RNF19A: variants seen among roughly 807,000 people sequenced by gnomAD.
RNF19A encodes E3 ubiquitin-protein ligase RNF19A.
RNF19A carries 32 observed loss-of-function variants against 75.7 expected under a neutral mutation model. The observed-to-expected ratio is 0.42, with a 90% CI of 0.32 to 0.57. RNF19A has a LOEUF of 0.57. Among genes scored for constraint, RNF19A ranks in the 20% least tolerant of loss-of-function variants. RNF19A has a pLI of 0.10. For synonymous variants in RNF19A, 335 were observed against 345.2 expected (o/e 0.97, Z 0.33); for missense variants, 782 against 1,036.3 (o/e 0.75, Z 3.37).
upstream of RNF19A, among the ~76,000 whole-genome samples, chr8:100,311,675 G>GCCA (rs1563871464): frequency 7.4e-6 from 1 of 134,324 alleles, no homozygotes; most frequent in Non-Finnish European, 1.5e-5. Flanking sequence ...CAGAGATCTC[G>GCCA]CCACTGCACT....
chr8:100,285,614 C>T (rs1324353878), intron 2 of RNF19A, among the ~76,000 whole-genome samples: 1 of 151,978 alleles, frequency 6.6e-6, no homozygotes, highest in Non-Finnish European at 1.5e-5. Flanking sequence ...CTTAAGTCTC[C>T]TTTTCCTTTA....
At position 100,261,538 on chromosome 8, in the gene RNF19A, A is replaced by G. The variant is rs776486622; in HGVS notation, c.1682+4T>C. The G allele has an allele frequency of 1.2e-6, 2 of 1,613,304 alleles. No individual in the cohort carries two copies. The highest frequency in any genetic ancestry group is 1.7e-6 in the Non-Finnish European group (2 of 1,179,392). ...GCAGAACCAAACCAAACCAAAACAC[A>G]CACCTGTTAAAACAGTTTACCATGG... On this transcript the variant is annotated splice_donor_region_variant and intron_variant, in intron 8 of 9. Transcript: ENST00000341084. This position sits in a 1 kb window ranked among gnomAD's most constrained non-coding sequence, Gnocchi z 4.4.
rs547584284 is a variant in RNF19A, at chr8:100,283,532, G to A, written c.674+3969C>T. On this transcript the variant is annotated intron_variant, in intron 2 of 9. Coordinates refer to ENST00000341084, the MANE Select transcript of RNF19A (RefSeq NM_183419.4). ...CTCAAGTGGGATTTTTAGAAATACC[G>A]TCCTTCAAACAAGTATGATCAGTCC... Among the ~76,000 whole-genome samples the A allele has an allele frequency of 9.9e-5, 15 of 152,246 alleles. No homozygotes were observed. The South Asian group carries it at 1.5e-3, about 15-fold the overall frequency.
intron 5 of RNF19A, among the ~76,000 whole-genome samples, chr8:100,265,725 G>A (rs1355393572): frequency 6.6e-6 from 1 of 152,196 alleles, no homozygotes; most frequent in Non-Finnish European, 1.5e-5. Flanking sequence ...AAAGTACGAT[G>A]AGTGTTGTGG....
At chr8:100,310,169 C>G (rs1179542678), upstream of RNF19A, 1 of 985,366 alleles carries the variant, frequency 1.0e-6, no homozygotes, top group Non-Finnish European at 1.2e-6. Flanking sequence ...CCCCGGCCGC[C>G]CCGCCCCAGC....
intron 3 of RNF19A, among the ~76,000 whole-genome samples, chr8:100,273,654 A>C (rs1367528694): frequency 6.6e-6 from 1 of 152,214 alleles, no homozygotes; most frequent in African/African-American, 2.4e-5. Context: ...AGACATACTT[A>C]AATCTCTAGA....
chr8:100,261,611 G>C lies in RNF19A; in HGVS notation c.1613C>G (p.Thr538Ser). 6.2e-7 allele frequency: 1 copy of C among 1,614,028 alleles called. No homozygotes were observed. Residue 538 changes from threonine to serine, a missense_variant, in exon 8 of 10, where the codon ACC (threonine) becomes AGC (serine). Physicochemically the swap from Thr to Ser is moderately conservative, Grantham distance 58. Around this residue, in one of 7 missense-constraint regions of RNF19A, gnomAD observed 442 missense variants for 541.6 expected, o/e 0.82. Coordinates refer to ENST00000341084, the MANE Select transcript of RNF19A (RefSeq NM_183419.4). This position sits in a 1 kb window ranked among gnomAD's most constrained non-coding sequence, Gnocchi z 4.4. ...TATACTGGCTCCAGCTAGTGCCATG[G>C]TGCTGGCCGTTTCACTCAGGTTGTC... ...IRDNLSETASTMALAGASITG... is the reference protein window; with the variant it reads ...IRDNLSETASSMALAGASITG...
rs555083283 is a variant in RNF19A at position 100,275,409 on chromosome 8, G to GT, written c.675-249dup. Among the ~76,000 whole-genome samples, 99 of 146,744 alleles carry GT rather than the reference G, an allele frequency of 6.7e-4. 1 individual carries two copies. The South Asian group carries it at 7.3e-3, about 11-fold the overall frequency. On this transcript the variant is annotated intron_variant, in intron 2 of 9. Transcript: ENST00000341084. This position sits in a 1 kb window ranked among gnomAD's most constrained non-coding sequence, Gnocchi z 4.3. ...TCAGGGTTTTTTTTTTAGGTTCAGG[G>GT]TTTTTTTTTTAGATTCAGGGGGTAC...
chr8:100,302,878 G>C (rs899866758), intron 1 of RNF19A, among the ~76,000 whole-genome samples: 1 of 152,132 alleles, frequency 6.6e-6, no homozygotes, highest in African/African-American at 2.4e-5. Context: ...GTTAGGAGAA[G>C]AAAGAAACGA....
chr8:100,309,824 C>T (rs961394683), intron 1 of RNF19A, 43 bp downstream of exon 1: 2 of 985,552 alleles, frequency 2.0e-6, no homozygotes, highest in African/African-American at 3.5e-5. Flanking sequence ...CGCCCCTTCT[C>T]TCCCGCTCCG....
chr8:100,276,290 T>G (rs1460571174), intron 2 of RNF19A, among the ~76,000 whole-genome samples: 1 of 152,164 alleles, frequency 6.6e-6, no homozygotes, highest in African/African-American at 2.4e-5. Context: ...ACACCTTAGG[T>G]GACTCTTCAG....
At position 100,261,780 on chromosome 8, in the gene RNF19A, CTAAG is replaced by C. The variant is rs769476261; in HGVS notation, c.1469-29_1469-26del. On this transcript the variant is annotated intron_variant, in intron 7 of 9. Transcript: ENST00000341084. This position sits in a 1 kb window ranked among gnomAD's most constrained non-coding sequence, Gnocchi z 4.4. ...TCTAAATGCAAATATTCCAAAGAAA[CTAAG>C]TAAGTATGATTATCAATTTTCTCCT... 77 of 1,602,708 alleles carry C rather than the reference CTAAG, an allele frequency of 4.8e-5. No homozygotes were observed. The highest frequency in any genetic ancestry group is 1.7e-4 in the Middle Eastern group (1 of 6,052).
intron 5 of RNF19A, among the ~76,000 whole-genome samples, chr8:100,267,678 C>G (rs1488700626): frequency 7.2e-6 from 1 of 138,694 alleles, no homozygotes; most frequent in Admixed American, 7.3e-5. Flanking sequence ...CTTGTTAGTT[C>G]TTTTTTTTTT....
intron 5 of RNF19A, among the ~76,000 whole-genome samples, chr8:100,267,483 C>T (rs1820038629): frequency 6.6e-6 from 1 of 152,104 alleles, no homozygotes; most frequent in African/African-American, 2.4e-5. Context: ...AATCCTCCCA[C>T]CTCAGCCTCC....
rs979764895 is a variant in RNF19A at position 100,309,220 on chromosome 8, T to C, written c.-94+647A>G. ...CCGGAAGACCCCCGTTAACACATAC[T>C]TCACCCCAAGGCTACACCATTTTGG... On this transcript the variant is annotated intron_variant, in intron 1 of 9. Coordinates refer to ENST00000341084, the MANE Select transcript of RNF19A (RefSeq NM_183419.4). The C allele has an allele frequency of 4.1e-6, 3 of 725,732 alleles. No individual in the cohort carries two copies. In the African/African-American group the frequency reaches 5.8e-5, roughly 14 times the overall value. The allele number at this position is 725,732 out of a possible 1,614,324, so 45.0% of individuals were successfully genotyped here.
rs565495004 is a variant in RNF19A, at chr8:100,284,473, G to A, written c.674+3028C>T. Among the ~76,000 whole-genome samples, 13 of 152,156 alleles carry A rather than the reference G, an allele frequency of 8.5e-5. No individual in the cohort carries two copies. The South Asian group carries it at 1.5e-3, about 17-fold the overall frequency. ...TGACTTTTTTTCCTCTGTCCTTTGT[G>A]GGTAAGACTATGACAACCAATAACA... On this transcript the variant is annotated intron_variant, in intron 2 of 9. Transcript: ENST00000341084. The surrounding 1 kb of genome is among the most constrained non-coding windows in gnomAD (Gnocchi z 4.3).
intron 2 of RNF19A, among the ~76,000 whole-genome samples, chr8:100,276,744 G>C (rs200880822): frequency 7.3e-6 from 1 of 136,354 alleles, no homozygotes; most frequent in African/African-American, 2.8e-5. Flanking sequence ...AAAAAAAAAA[G>C]AAAAAAAGGA....
At chr8:100,326,229 T>C (rs1822531892) in intron 1 of RNF19A, among the ~76,000 whole-genome samples, 1 of 152,116 alleles carries the variant, frequency 6.6e-6, no homozygotes, top group African/African-American at 2.4e-5. Flanking sequence ...CTGCTTGCTT[T>C]TTCTGTTCTT....
intron 1 of RNF19A, chr8:100,309,392 C>T: frequency 1.0e-6 from 1 of 985,900 alleles, no homozygotes; most frequent in African/African-American, 1.7e-5. Flanking sequence ...GCCCGGAAAT[C>T]GGTCCCGTTA....
Sources: gnomAD v4.1 joint callset for allele counts (sites outside exome capture counted in the v4.1 genomes callset) on GRCh38, gnomAD v4.1.1 for gene constraint, gnomAD v4.1.1 regional missense constraint, Gnocchi (gnomAD v3.1) non-coding constraint, MANE v1.5 for transcripts, NCBI Gene and HGNC (gene_info 2026-07-23, HGNC 2026-07-21) for gene names.